TADA2A: variants seen among roughly 807,000 people sequenced by gnomAD.
TADA2A encodes the protein transcriptional adapter 2-alpha.
In TADA2A, 38 loss-of-function variants were observed where a neutral mutation model predicts 67.4. That is an observed-to-expected ratio of 0.56 (90% CI 0.44 to 0.74). The LOEUF (loss-of-function observed/expected upper bound fraction) is 0.74, where lower values mean the gene tolerates loss of function less well. Ranked by LOEUF, TADA2A falls within the 30% of genes least tolerant of loss-of-function variation. TADA2A has a pLI of 0.00. For synonymous variants in TADA2A, 192 were observed against 181.6 expected, an observed-to-expected ratio of 1.06 and a Z score of -0.46; for missense variants, 454 against 547.0, an observed-to-expected ratio of 0.83 and a Z score of 1.70.
intron 4 of TADA2A, among the ~76,000 whole-genome samples, chr17:37,432,925 A>ATTTTTTTTTTTTTTTTTT (rs1046006991): frequency 1.9e-5 from 1 of 52,208 alleles, no homozygotes; most frequent in African/African-American, 7.4e-5. Context: ...TGGTATTACA[A>ATTTTTTTTTTTTTTTTTT]TTTTTTTTTT....
At chr17:37,461,285 G>A (rs934226258) in intron 9 of TADA2A, among the ~76,000 whole-genome samples, 3 of 152,136 alleles carry the variant, frequency 2.0e-5, no homozygotes, top group African/African-American at 7.2e-5. Context: ...CGGTAAAGCT[G>A]CTCACCTGCT....
chr17:37,455,372 G>T lies in TADA2A; in HGVS notation c.605-3152G>T, dbSNP rs201599508. On this transcript the variant is annotated intron_variant, in intron 8 of 15. Coordinates refer to ENST00000615182, the MANE Select transcript of TADA2A (RefSeq NM_001166105.3). ...GCTTCTGAAGTTTGTTTTTTTGTTT[G>T]TTTGTTTGTTTGTTTGTTTGTTTTT... 2.0e-3 allele frequency among the ~76,000 whole-genome samples: 168 copies of T among 83,378 alleles called. 2 individuals carry two copies. The highest frequency in any genetic ancestry group is 9.7e-3 in the African/African-American group (162 of 16,758). 54.7% of individuals were successfully genotyped at this position (83,378 alleles called of 152,430 possible). A position where few individuals can be genotyped will look rare whatever the true frequency, so the allele number is the denominator to read the frequency against.
chr17:37,461,292 TG>T (rs1439035697), intron 9 of TADA2A, among the ~76,000 whole-genome samples: 1 of 152,178 alleles, frequency 6.6e-6, no homozygotes, highest in Non-Finnish European at 1.5e-5. Flanking sequence ...GCTGCTCACC[TG>T]CTGTGCAGCC....
chr17:37,458,486 G>T (rs758283574), intron 8 of TADA2A, 38 bp from the exon 9 acceptor site: 1 of 1,268,062 alleles, frequency 7.9e-7, no homozygotes, highest in East Asian at 2.6e-5. Flanking sequence ...ATATATATAT[G>T]ATATGTATAT....
intron 1 of TADA2A, 159 bp downstream of exon 1, chr17:37,407,108 C>T (rs1295152714): frequency 8.8e-6 from 1 of 113,332 alleles, no homozygotes; most frequent in African/African-American, 3.4e-5. Context: ...GCTGGCGGGC[C>T]GGCGGGCGGG....
At chr17:37,447,371 T>A (rs2053113327) in intron 8 of TADA2A, among the ~76,000 whole-genome samples, 1 of 152,144 alleles carries the variant, frequency 6.6e-6, no homozygotes, top group African/African-American at 2.4e-5. Flanking sequence ...GCAAGGCTGG[T>A]CTCAAACTCT....
Position 37,426,811 on chromosome 17 carries a change from C to T in TADA2A, c.133-139C>T, listed in dbSNP as rs951831889. On this transcript the variant is annotated intron_variant, in intron 3 of 15. Coordinates refer to ENST00000615182, the MANE Select transcript of TADA2A (RefSeq NM_001166105.3). The stretch of plus-strand genomic sequence containing the variant: ...AGTGAGCTATGATGGTGCCACTGCA[C>T]TTCGGCCTGGGTGACAGAACGAGAC... 1.2e-5 allele frequency: 8 copies of T among 688,650 alleles called. No individual in the cohort carries two copies. In the African/African-American group the frequency reaches 1.5e-4, roughly 13 times the overall value. 42.7% of individuals were successfully genotyped at this position (688,650 alleles called of 1,614,324 possible).
intron 2 of TADA2A, among the ~76,000 whole-genome samples, chr17:37,415,279 C>G (rs770144333): frequency 6.6e-5 from 10 of 152,018 alleles, no homozygotes; most frequent in Non-Finnish European, 1.5e-4. Context: ...ACTTTTTTCC[C>G]CTCACTTAAT....
intron 8 of TADA2A, among the ~76,000 whole-genome samples, chr17:37,456,799 G>T (rs2148011311): frequency 6.6e-6 from 1 of 152,250 alleles, no homozygotes; most frequent in African/African-American, 2.4e-5. Flanking sequence ...AAGGTGAGGG[G>T]TAAAAAGGAA....
chr17:37,462,498 G>A lies in TADA2A; in HGVS notation c.712+377G>A, dbSNP rs111430998. Among the ~76,000 whole-genome samples the A allele has an allele frequency of 2.7e-3, 415 of 152,106 alleles. 1 individual carries two copies. Among genetic ancestry groups the A allele is most frequent in the African/African-American group, 9.4e-3 (392 of 41,484 alleles). On this transcript the variant is annotated intron_variant, in intron 10 of 15. Coordinates refer to ENST00000615182, the MANE Select transcript of TADA2A (RefSeq NM_001166105.3). ...AAAAAAAAAATTAGCCAGGCGTGGC[G>A]GCATGCACCTGCAATCCCAGCTACT... is the stretch of plus-strand genomic sequence containing the variant.
chr17:37,440,978 C>G (rs892115311), intron 6 of TADA2A, among the ~76,000 whole-genome samples: 1 of 152,076 alleles, frequency 6.6e-6, no homozygotes, highest in South Asian at 2.1e-4. Flanking sequence ...ACCTGTAATC[C>G]CAGCTACTGG....
Position 37,423,523 on chromosome 17 carries a change from A to G in TADA2A, c.40A>G (p.Lys14Glu), listed in dbSNP as rs769361999. Residue 14 changes from lysine to glutamate, a missense_variant, in exon 3 of 16, where the codon AAG becomes GAG. Lys to Glu is a moderately conservative substitution (Grantham distance 56, BLOSUM62 1). Coordinates refer to ENST00000615182, the MANE Select transcript of TADA2A (RefSeq NM_001166105.3). ...GTTTGTTCTAGATGATCCCTCTGATAAGCCACCTTGCCGAGGCTGCTCCTC... is the reference window on the plus strand; with the variant it reads ...GTTTGTTCTAGATGATCCCTCTGATGAGCCACCTTGCCGAGGCTGCTCCTC... The part of the protein sequence containing the change: ...LGSFSNDPSD[K>E]PPCRGCSSYL... 3.1e-6 allele frequency: 5 copies of G among 1,611,658 alleles called. No homozygotes were observed. In the African/African-American group the frequency reaches 6.7e-5, roughly 22 times the overall value.
chr17:37,440,498 C>T lies in TADA2A; in HGVS notation c.285-7C>T, dbSNP rs1412119672. 6.2e-7 allele frequency: 1 copy of T among 1,613,304 alleles called. No individual in the cohort carries two copies. The highest frequency in any genetic ancestry group is 8.5e-7 in the Non-Finnish European group (1 of 1,179,622). The stretch of plus-strand genomic sequence containing the variant: ...ACCACTTCTCTCTTTTTCCCACAAT[C>T]CTCTAGGCAGGATGTAGCCAATCAA... On this transcript the variant is annotated splice_region_variant and splice_polypyrimidine_tract_variant and intron_variant, in intron 5 of 15. Transcript: ENST00000615182.
chr17:37,470,240 G>C (rs2053757301), intron 12 of TADA2A, among the ~76,000 whole-genome samples, 160 bp from the exon 13 acceptor site: 1 of 152,112 alleles, frequency 6.6e-6, no homozygotes, highest in South Asian at 2.1e-4. Context: ...TTTCAGACTA[G>C]GGAAAATCTA....
At chr17:37,449,844 A>G (rs2053184477) in intron 8 of TADA2A, among the ~76,000 whole-genome samples, 1 of 152,072 alleles carries the variant, frequency 6.6e-6, no homozygotes, top group Admixed American at 6.6e-5. Context: ...CTCAACCTTG[A>G]ATGTTTGTTG....
chr17:37,424,804 C>T (rs2052354454), intron 3 of TADA2A, among the ~76,000 whole-genome samples: 1 of 152,286 alleles, frequency 6.6e-6, no homozygotes, highest in Non-Finnish European at 1.5e-5. Context: ...GATCTGCCTG[C>T]CTCGGTCTCC....
chr17:37,473,424 G>T (rs539946255), intron 14 of TADA2A, among the ~76,000 whole-genome samples: 1 of 152,260 alleles, frequency 6.6e-6, no homozygotes, highest in South Asian at 2.1e-4. Context: ...AGCCTCTGGT[G>T]ACTTTTGTGA....
intron 14 of TADA2A, among the ~76,000 whole-genome samples, chr17:37,471,675 T>G (rs979637528): frequency 6.6e-6 from 1 of 152,026 alleles, no homozygotes; most frequent in Non-Finnish European, 1.5e-5. Context: ...GCCTGGCTAA[T>G]TTTTGTATTT....
rs777978063 is a variant in TADA2A at position 37,465,541 on chromosome 17, T to C, written c.823T>C (p.Leu275=). The C allele has an allele frequency of 6.2e-7, 1 of 1,613,924 alleles. No individual in the cohort carries two copies. The highest frequency in any genetic ancestry group is 2.2e-5 in the East Asian group (1 of 44,878). ...TGACAAATTCATTGAAAGCCATGCA[T>C]GTAGGTGGTTTTTGAGCCTTGAGCA... ...EHDKFIESHA[L]EFELRREIKR... The change falls in exon 11 of 16, where the codon TTG becomes CTG. Residue 275 remains leucine, a splice_region_variant and synonymous_variant. Coordinates refer to ENST00000615182, the MANE Select transcript of TADA2A (RefSeq NM_001166105.3).
Sources: allele counts gnomAD v4.1 joint callset (sites outside exome capture counted in the v4.1 genomes callset), GRCh38; gene constraint gnomAD v4.1.1; transcripts MANE v1.5; gene names NCBI Gene and HGNC (gene_info 2026-07-23, HGNC 2026-07-21).